IMMP2L: variants seen among roughly 807,000 people sequenced by gnomAD.
IMMP2L encodes mitochondrial inner membrane protease subunit 2.
A neutral mutation model predicts 19.3 loss-of-function variants in IMMP2L; 18 were observed. The ratio of observed to expected loss-of-function variants is 0.93; its 90% confidence interval spans 0.64 to 1.38. The LOEUF (loss-of-function observed/expected upper bound fraction) is 1.38, where lower values mean the gene tolerates loss of function less well. IMMP2L is among the 40% of genes most tolerant of loss of function. IMMP2L has a pLI of 0.00. For missense variants in IMMP2L, 233 were observed against 218.2 expected (o/e 1.07, Z -0.43); for synonymous variants, 76 against 73.0 (o/e 1.04, Z -0.21).
At chr7:111,283,923 ATCC>A (rs1820194262) in intron 3 of IMMP2L, among the ~76,000 whole-genome samples, 1 of 142,248 alleles carries the variant, frequency 7.0e-6, no homozygotes, top group African/African-American at 2.7e-5. Context: ...GTGAGCCGAG[ATCC>A]CGCCACTGCA....
chr7:111,476,418 A>G (rs1276466145), intron 3 of IMMP2L, among the ~76,000 whole-genome samples: 1 of 152,146 alleles, frequency 6.6e-6, no homozygotes, highest in East Asian at 1.9e-4. Context: ...AACTGTTTGT[A>G]TTTTTTATTG....
chr7:111,470,720 G>C (rs1008091084), intron 3 of IMMP2L, among the ~76,000 whole-genome samples: 1 of 116,806 alleles, frequency 8.6e-6, no homozygotes, highest in African/African-American at 3.3e-5. Context: ...TCTGGGGACT[G>C]TTGTGGGGTG....
intron 3 of IMMP2L, among the ~76,000 whole-genome samples, chr7:111,144,695 T>C (rs1803282404): frequency 6.6e-6 from 1 of 152,056 alleles, no homozygotes; most frequent in Non-Finnish European, 1.5e-5. Context: ...AATAAGTGAA[T>C]GGATTACAAT....
intron 5 of IMMP2L, among the ~76,000 whole-genome samples, chr7:110,777,051 G>A (rs1160746417): frequency 6.6e-6 from 1 of 152,008 alleles, no homozygotes; most frequent in Non-Finnish European, 1.5e-5. Flanking sequence ...CAGCAGCTCT[G>A]TGTTAAACAT....
At chr7:110,866,866 T>A (rs1338083218) in intron 5 of IMMP2L, among the ~76,000 whole-genome samples, 20 of 152,200 alleles carry the variant, frequency 1.3e-4, no homozygotes, top group African/African-American at 4.8e-4. Context: ...GGCTGTATTT[T>A]ACAAAATGTT....
At chr7:111,285,504 GCTTAA>G (rs1211693398) in intron 3 of IMMP2L, among the ~76,000 whole-genome samples, 2 of 152,018 alleles carry the variant, frequency 1.3e-5, no homozygotes, top group African/African-American at 4.8e-5. Flanking sequence ...CAGAACACTA[GCTTAA>G]AGGGGAATCA....
chr7:111,509,542 G>GT (rs1845253357), intron 2 of IMMP2L, among the ~76,000 whole-genome samples: 8 of 152,118 alleles, frequency 5.3e-5, no homozygotes, highest in Non-Finnish European at 8.8e-5. Flanking sequence ...CACAACCAAT[G>GT]AGTGAGTCAG....
chr7:110,766,500 G>A (rs1798671085), intron 5 of IMMP2L, among the ~76,000 whole-genome samples: 1 of 150,282 alleles, frequency 6.7e-6, no homozygotes, highest in Admixed American at 6.7e-5. Context: ...GCTGAGGCAG[G>A]AGAATCGCTT....
chr7:110,918,469 T>G (rs1271839587), intron 4 of IMMP2L, among the ~76,000 whole-genome samples: 1 of 150,296 alleles, frequency 6.7e-6, no homozygotes, highest in African/African-American at 2.4e-5. Flanking sequence ...TTTTTTTTTT[T>G]GTTGAAATGG....
At chr7:111,240,229 G>T (rs1281159107) in intron 3 of IMMP2L, among the ~76,000 whole-genome samples, 1 of 151,914 alleles carries the variant, frequency 6.6e-6, no homozygotes, top group African/African-American at 2.4e-5. Flanking sequence ...ATAATGAATG[G>T]CTGCTTGCCA....
chr7:111,420,133 ATTATATTTACATTT>A (rs548746442), intron 3 of IMMP2L, among the ~76,000 whole-genome samples: 19 of 151,916 alleles, frequency 1.3e-4, no homozygotes, highest in Non-Finnish European at 2.4e-4. Flanking sequence ...AATTGTTCTA[ATTATATTTACATTT>A]TTATATTCAT....
chr7:110,808,325 C>A (rs538557748), intron 5 of IMMP2L, among the ~76,000 whole-genome samples: 4 of 152,016 alleles, frequency 2.6e-5, no homozygotes, highest in African/African-American at 4.8e-5. Context: ...AGCCACCATG[C>A]GCTAACAATC....
At chr7:110,912,415 A>C (rs984960647) in intron 4 of IMMP2L, among the ~76,000 whole-genome samples, 2 of 152,106 alleles carry the variant, frequency 1.3e-5, no homozygotes, top group Non-Finnish European at 2.9e-5. Context: ...GAGATAATAA[A>C]TAATTAGTTA....
At position 111,539,170 on chromosome 7, in the gene IMMP2L, AGGAAGGAAGGAAGGAAGGAAGGAG is replaced by A. The variant is rs1207613985; in HGVS notation, c.-2-17745_-2-17722del. 5.2e-4 allele frequency among the ~76,000 whole-genome samples: 33 copies of A among 63,888 alleles called. 1 individual carries two copies. The highest frequency in any genetic ancestry group is 1.7e-3 in the African/African-American group (22 of 12,926). 41.9% of individuals were successfully genotyped at this position (63,888 alleles called of 152,430 possible). A position where few individuals can be genotyped will look rare whatever the true frequency, so the allele number is the denominator to read the frequency against. ...AAGGAAGGAAGGAAGGAAGGAAGGAAGGAAGGAAGGAAGGAAGGAAGGAGGGAGAAAGAAAGAAAGAAAGAAAGA... is the reference window on the plus strand; with the variant it reads ...AAGGAAGGAAGGAAGGAAGGAAGGAAGGAGAAAGAAAGAAAGAAAGAAAGA... On this transcript the variant is annotated intron_variant, in intron 1 of 5. Coordinates refer to ENST00000405709, the MANE Select transcript of IMMP2L (RefSeq NM_032549.4).
At chr7:111,113,693 T>C (rs1175409277) in intron 3 of IMMP2L, among the ~76,000 whole-genome samples, 1 of 151,832 alleles carries the variant, frequency 6.6e-6, no homozygotes, top group East Asian at 1.9e-4. Flanking sequence ...TGCAGGATAA[T>C]TGAAAGAGGG....
chr7:111,464,941 A>C (rs13246669), intron 3 of IMMP2L, among the ~76,000 whole-genome samples: 1 of 152,010 alleles, frequency 6.6e-6, no homozygotes, highest in African/African-American at 2.4e-5. Context: ...GGCGCCCGCC[A>C]CCAGGCCCGG....
At chr7:110,697,144 C>T (rs1247600512) in intron 5 of IMMP2L, among the ~76,000 whole-genome samples, 1 of 152,182 alleles carries the variant, frequency 6.6e-6, no homozygotes, top group Non-Finnish European at 1.5e-5. Flanking sequence ...GGTACCTAGA[C>T]TCACAATCAG....
intron 3 of IMMP2L, among the ~76,000 whole-genome samples, chr7:111,464,933 C>T (rs1270686933): frequency 2.6e-5 from 4 of 152,036 alleles, no homozygotes; most frequent in South Asian, 2.1e-4. Context: ...GGACTACAGG[C>T]GCCCGCCACC....
intron 1 of IMMP2L, among the ~76,000 whole-genome samples, chr7:111,530,618 T>C (rs1411683960): frequency 6.6e-6 from 1 of 151,804 alleles, no homozygotes; most frequent in Non-Finnish European, 1.5e-5. Context: ...GGATAGATTA[T>C]ATAATATTCA....
Sources: gnomAD v4.1 joint callset for allele counts (sites outside exome capture counted in the v4.1 genomes callset) on GRCh38, gnomAD v4.1.1 for gene constraint, MANE v1.5 for transcripts, NCBI Gene and HGNC (gene_info 2026-07-23, HGNC 2026-07-21) for gene names.